NOS1: variants seen among roughly 807,000 people sequenced by gnomAD.
NOS1 encodes the protein NOS type I.
Under a neutral mutation model 164.5 loss-of-function variants are expected in NOS1, and 51 were observed. That is an observed-to-expected ratio of 0.31 (90% CI 0.25 to 0.39). The LOEUF (loss-of-function observed/expected upper bound fraction) is 0.39, where lower values mean the gene tolerates loss of function less well. Among genes scored for constraint, NOS1 ranks in the 10% least tolerant of loss-of-function variants. The pLI is 1.00. For missense variants in NOS1, 1,362 were observed against 1,885.6 expected, an observed-to-expected ratio of 0.72 and a Z score of 5.14; for synonymous variants, 719 against 745.8, an observed-to-expected ratio of 0.96 and a Z score of 0.59.
Position 117,330,236 on chromosome 12 carries a change from C to T in NOS1, c.725+109G>A. On this transcript the variant is annotated intron_variant, in intron 2 of 28. Coordinates refer to ENST00000317775, the MANE Select transcript of NOS1 (RefSeq NM_000620.5). The surrounding 1 kb of genome is among the most constrained non-coding windows in gnomAD (Gnocchi z 4.6). ...ATGCAAAAACAGGTATCTGAGACAG[C>T]CCAGGTTGGCTTCTGGGCTATGAGG... The T allele has an allele frequency of 6.9e-7, 1 of 1,449,894 alleles. No homozygotes were observed. The highest frequency in any genetic ancestry group is 2.3e-5 in the East Asian group (1 of 42,634). The allele number at this position is 1,449,894 out of a possible 1,614,324, so 89.8% of individuals were successfully genotyped here. A position where few individuals can be genotyped will look rare whatever the true frequency, so the allele number is the denominator to read the frequency against.
intron 24 of NOS1, among the ~76,000 whole-genome samples, chr12:117,226,293 G>A (rs1772877174): frequency 1.3e-5 from 2 of 152,162 alleles, no homozygotes; most frequent in Non-Finnish European, 2.9e-5. Context: ...AATGAATGGG[G>A]GTGATTGGAT....
chr12:117,269,460 A>ATTTTTTTTTTTTTT (rs200222625), intron 10 of NOS1, among the ~76,000 whole-genome samples: 1 of 110,048 alleles, frequency 9.1e-6, no homozygotes. Flanking sequence ...ATCTCTGGAG[A>ATTTTTTTTTTTTTT]TTTGTTTTTT....
At chr12:117,287,051 C>CA (rs2136020810) in intron 5 of NOS1, among the ~76,000 whole-genome samples, 1 of 152,162 alleles carries the variant, frequency 6.6e-6, no homozygotes, top group Non-Finnish European at 1.5e-5. Context: ...TCTGTCTCTA[C>CA]AAAAAATACA....
At chr12:117,308,327 C>A (rs919751896) in intron 3 of NOS1, among the ~76,000 whole-genome samples, 5 of 152,076 alleles carry the variant, frequency 3.3e-5, no homozygotes, top group Non-Finnish European at 2.9e-5. Flanking sequence ...GGCAACATAG[C>A]AAGATCCCGT....
intron 1 of NOS1, among the ~76,000 whole-genome samples, chr12:117,343,886 G>T (rs528198065): frequency 1.3e-5 from 2 of 152,182 alleles, no homozygotes; most frequent in Non-Finnish European, 2.9e-5. Flanking sequence ...TCACTCGAAA[G>T]TTGCCTTTAC....
Position 117,272,642 on chromosome 12 carries a change from C to A in NOS1, c.1665-83G>T. The A allele has an allele frequency of 1.5e-6, 2 of 1,322,452 alleles. No homozygotes were observed. The highest frequency in any genetic ancestry group is 1.1e-6 in the Non-Finnish European group (1 of 947,022). The allele number at this position is 1,322,452 out of a possible 1,614,324, so 81.9% of individuals were successfully genotyped here. ...CTTGAATCTAGAGATGCTGAAATGC[C>A]AAGGATGGACTGGGACTGACAAGGT... On this transcript the variant is annotated intron_variant, in intron 9 of 28. Transcript: ENST00000317775. The surrounding 1 kb of genome is among the most constrained non-coding windows in gnomAD (Gnocchi z 4.3).
chr12:117,215,257 A>G lies in NOS1; in HGVS notation c.*52T>C. On this transcript the variant is annotated 3_prime_UTR_variant, in exon 29 of 29. Coordinates refer to ENST00000317775, the MANE Select transcript of NOS1 (RefSeq NM_000620.5). ...GGGGGTCCCAGAGGAAAGGTTCAGC[A>G]GTGTCTGTCCGCGCTTACAAAACTT... 2 of 1,493,602 alleles carry G rather than the reference A, an allele frequency of 1.3e-6. No homozygotes were observed. The highest frequency in any genetic ancestry group is 1.8e-6 in the Non-Finnish European group (2 of 1,116,810). 92.5% of individuals were successfully genotyped at this position (1,493,602 alleles called of 1,614,324 possible). A position where few individuals can be genotyped will look rare whatever the true frequency, so the allele number is the denominator to read the frequency against.
Position 117,260,730 on chromosome 12 carries a change from T to C in NOS1, c.2223-121A>G. 6 of 1,076,250 alleles carry C rather than the reference T, an allele frequency of 5.6e-6. No individual in the cohort carries two copies. In the South Asian group the frequency reaches 8.3e-5, roughly 15 times the overall value. The allele number at this position is 1,076,250 out of a possible 1,614,324, so 66.7% of individuals were successfully genotyped here. On this transcript the variant is annotated intron_variant, in intron 13 of 28. Coordinates refer to ENST00000317775, the MANE Select transcript of NOS1 (RefSeq NM_000620.5). ...ATATAACAGAAGAGAACTCTCTTGA[T>C]CTTTGATGGCTTCAGGGGTTTCCTC... is the stretch of plus-strand genomic sequence containing the variant.
rs1203247498 is a variant in NOS1 at position 117,234,917 on chromosome 12, A to G, written c.3042-159T>C. On this transcript the variant is annotated intron_variant, in intron 20 of 28. Transcript: ENST00000317775. The surrounding 1 kb of genome is among the most constrained non-coding windows in gnomAD (Gnocchi z 4.3). ...ATGCCCCCATCATTCTATTATTATT[A>G]TTATTATTATTATTATGGTGAGATA... Among the ~76,000 whole-genome samples the G allele has an allele frequency of 1.3e-5, 2 of 151,260 alleles. No individual in the cohort carries two copies. Among genetic ancestry groups the G allele is most frequent in the Non-Finnish European group, 2.9e-5 (2 of 67,864 alleles).
rs531920218 is a variant in NOS1 at position 117,354,165 on chromosome 12, A to G, written c.-421+7347T>C. On this transcript the variant is annotated intron_variant, in intron 1 of 28. Transcript: ENST00000317775. ...GCTTTCTGAAGGCAAGTCTTGAAGA[A>G]GGGACCCTCAAGAAATCCTACACCT... Among the ~76,000 whole-genome samples the G allele has an allele frequency of 2.0e-4, 31 of 152,306 alleles. No individual in the cohort carries two copies. In the South Asian group the frequency reaches 6.4e-3, roughly 32 times the overall value.
intron 28 of NOS1, 68 bp from the exon 29 acceptor site, chr12:117,215,392 C>T: frequency 7.0e-7 from 1 of 1,437,180 alleles, no homozygotes; most frequent in South Asian, 1.7e-5. Flanking sequence ...TCTGAGTGCC[C>T]CAGAGAAAAT....
intron 16 of NOS1, among the ~76,000 whole-genome samples, chr12:117,255,554 T>C (rs1216851980): frequency 1.3e-5 from 2 of 152,196 alleles, no homozygotes; most frequent in Non-Finnish European, 2.9e-5. Context: ...TCACATTGAG[T>C]CATGCAATAT....
chr12:117,308,920 A>T (rs562325459), intron 3 of NOS1, among the ~76,000 whole-genome samples: 1 of 152,162 alleles, frequency 6.6e-6, no homozygotes, highest in Non-Finnish European at 1.5e-5. Flanking sequence ...TTTAAAGAGA[A>T]GCTGTAGATA....
intron 4 of NOS1, among the ~76,000 whole-genome samples, chr12:117,289,567 G>T (rs780016390): frequency 1.3e-5 from 2 of 152,192 alleles, no homozygotes; most frequent in East Asian, 3.8e-4. Context: ...GAACGTGCAG[G>T]TTTGTTACAT....
At chr12:117,258,550 G>A (rs977420805) in intron 15 of NOS1, 95 bp from the exon 16 acceptor site, 2 of 1,265,942 alleles carry the variant, frequency 1.6e-6, no homozygotes, top group African/African-American at 1.5e-5. Context: ...TGTCAAAGAG[G>A]AGACTGATGC....
intron 2 of NOS1, among the ~76,000 whole-genome samples, chr12:117,322,516 CCCT>C (rs774856077): frequency 5.1e-5 from 7 of 136,182 alleles, no homozygotes; most frequent in South Asian, 2.6e-4. Flanking sequence ...TCCCTCCTTC[CCCT>C]CCTCCTTCCT....
intron 18 of NOS1, among the ~76,000 whole-genome samples, chr12:117,244,329 G>A (rs1245199582): frequency 6.6e-6 from 1 of 152,006 alleles, no homozygotes; most frequent in Non-Finnish European, 1.5e-5. Context: ...CTGCAGCCTC[G>A]ACCTCCTCCC....
At chr12:117,288,619 A>T (rs1872858262) in intron 4 of NOS1, among the ~76,000 whole-genome samples, 1 of 152,120 alleles carries the variant, frequency 6.6e-6, no homozygotes, top group Non-Finnish European at 1.5e-5. Flanking sequence ...CCCTCCCTGT[A>T]TTCACACCCT....
rs190405084 is a variant in NOS1, at chr12:117,335,642, C to A, written c.-420-4153G>T. 3.6e-3 allele frequency among the ~76,000 whole-genome samples: 547 copies of A among 151,626 alleles called. 1 individual carries two copies. The highest frequency in any genetic ancestry group is 6.5e-3 in the Non-Finnish European group (440 of 67,974). Reference sequence around the variant, plus strand: ...ACAGAAGGAAAGGTAACAGCAGCAGCCTCCTGTGGTTGAGAGCTTACTGTG... The same window carrying A: ...ACAGAAGGAAAGGTAACAGCAGCAGACTCCTGTGGTTGAGAGCTTACTGTG... On this transcript the variant is annotated intron_variant, in intron 1 of 28. Coordinates refer to ENST00000317775, the MANE Select transcript of NOS1 (RefSeq NM_000620.5).
Sources: gnomAD v4.1 joint callset for allele counts (sites outside exome capture counted in the v4.1 genomes callset) on GRCh38, gnomAD v4.1.1 for gene constraint, Gnocchi (gnomAD v3.1) non-coding constraint, MANE v1.5 for transcripts, NCBI Gene and HGNC (gene_info 2026-07-23, HGNC 2026-07-21) for gene names.